ARHGEF4: variants seen among roughly 807,000 people sequenced by gnomAD.
ARHGEF4 encodes Rho guanine nucleotide exchange factor 4, also known as APC-stimulated guanine nucleotide exchange factor 1.
ARHGEF4 carries 119 observed loss-of-function variants against 162.0 expected under a neutral mutation model. The ratio of observed to expected loss-of-function variants is 0.73; its 90% CI spans 0.63 to 0.86. The LOEUF (loss-of-function observed/expected upper bound fraction) is 0.86, where lower values mean the gene tolerates loss of function less well. Ranked by LOEUF, ARHGEF4 falls within the 40% of genes least tolerant of loss-of-function variation. ARHGEF4 has a pLI of 0.00. For missense variants in ARHGEF4, 2,488 were observed against 2,456.0 expected (o/e 1.01, Z -0.28); for synonymous variants, 1,014 against 979.9 (o/e 1.03, Z -0.65).
intron 4 of ARHGEF4, among the ~76,000 whole-genome samples, chr2:130,991,408 G>A (rs576108732): frequency 6.6e-6 from 1 of 152,372 alleles, no homozygotes; most frequent in African/African-American, 2.4e-5. Flanking sequence ...GCTGGCCAAG[G>A]CCGGAGCCCA....
intron 4 of ARHGEF4, among the ~76,000 whole-genome samples, chr2:130,971,655 C>CAAAAAAA (rs35136790): frequency 2.0e-5 from 2 of 101,346 alleles, no homozygotes; most frequent in African/African-American, 4.0e-5. Context: ...GAGACTGTCT[C>CAAAAAAA]AAAAAAAAAA....
chr2:130,913,069 G>A (rs1681288645), intron 1 of ARHGEF4, among the ~76,000 whole-genome samples: 1 of 152,110 alleles, frequency 6.6e-6, no homozygotes, highest in South Asian at 2.1e-4. Context: ...GTACTGGGGG[G>A]GAGTGGTTCA....
intron 4 of ARHGEF4, among the ~76,000 whole-genome samples, chr2:130,985,286 AG>A (rs1250661231): frequency 6.6e-6 from 1 of 152,194 alleles, no homozygotes; most frequent in Non-Finnish European, 1.5e-5. Context: ...GGTCCAAGGC[AG>A]CGGAACCACA....
rs118006608 is a variant in ARHGEF4 at position 130,852,088 on chromosome 2, T to C, written c.39+15096T>C. On this transcript the variant is annotated intron_variant, in intron 1 of 13. Transcript: ENST00000409359. ...AGTGGGGGAGATGAGCCATTCCAAC[T>C]TCACAGCTTTTATTCTTTCAAGAGT... is the stretch of plus-strand genomic sequence containing the variant. 4.0e-3 allele frequency among the ~76,000 whole-genome samples: 607 copies of C among 152,378 alleles called. 4 individuals are homozygous for C. The highest frequency in any genetic ancestry group is 0.029 in the Admixed American group (447 of 15,310).
intron 1 of ARHGEF4, among the ~76,000 whole-genome samples, chr2:130,855,292 CAG>C (rs998096376): frequency 7.9e-5 from 12 of 152,136 alleles, no homozygotes; most frequent in African/African-American, 2.4e-4. Context: ...GTTCATGAGT[CAG>C]GGGTCACCAA....
In ARHGEF4 at chr2:130,972,816, G is replaced by A. The variant is rs190201032; in HGVS notation, c.3985+26181G>A. 1.1e-4 allele frequency among the ~76,000 whole-genome samples: 16 copies of A among 152,202 alleles called. No individual in the cohort carries two copies. In the East Asian group the frequency reaches 1.9e-3, roughly 18 times the overall value. ...CTGACAAGGAAATGTGATTGTTTCC[G>A]CAATATACAAAACAAGATAAAATCA... On this transcript the variant is annotated intron_variant, in intron 4 of 13. Transcript: ENST00000409359.
Position 130,935,822 on chromosome 2 carries a change from TTTGGGAGGCTAAGGCAGG to T in ARHGEF4, c.3858+4567_3858+4584del, listed in dbSNP as rs1341990596. On this transcript the variant is annotated intron_variant, in intron 3 of 13. Coordinates refer to ENST00000409359, the MANE Select transcript of ARHGEF4 (RefSeq NM_001367493.1). ...GTGGCCATGCACGTAATCCCAGCAC[TTTGGGAGGCTAAGGCAGG>T]TAGATCACTTGAGGTCAGGAGTTCG... Among the ~76,000 whole-genome samples the T allele has an allele frequency of 1.3e-5, 2 of 152,324 alleles. 1 individual carries two copies. The highest frequency in any genetic ancestry group is 4.8e-5 in the African/African-American group (2 of 41,574).
At chr2:130,902,576 A>C (rs993123691) in intron 1 of ARHGEF4, among the ~76,000 whole-genome samples, 1 of 151,922 alleles carries the variant, frequency 6.6e-6, no homozygotes, top group Non-Finnish European at 1.5e-5. Flanking sequence ...CCTGAGCGAC[A>C]GAGCGAGACT....
intron 4 of ARHGEF4, among the ~76,000 whole-genome samples, chr2:130,972,881 G>C (rs6725621): frequency 0.96 from 146,707 of 152,346 alleles, 70,862 homozygotes; most frequent in East Asian, 1. Context: ...TAATGATTAA[G>C]CTTACTTTCA....
In ARHGEF4 at chr2:130,916,767, G is replaced by A. The variant is rs867745171; in HGVS notation, c.2821G>A (p.Glu941Lys). ...HERSPSSPKG[E>K]KEKSRLRQGS... ...ACGTTCCCCAAGTTCTCCCAAGGGC[G>A]AGAAGGAGAAGAGCAGGCTGCGCCA... The change falls in exon 2 of 14, where the codon GAG (glutamate) becomes AAG (lysine). Residue 941 changes from glutamate to lysine, a missense_variant. Physicochemically the swap from Glu to Lys is moderately conservative, Grantham distance 56. Transcript: ENST00000409359. 5.2e-6 allele frequency: 8 copies of A among 1,550,630 alleles called. No individual in the cohort carries two copies. The highest frequency in any genetic ancestry group is 1.2e-5 in the South Asian group (1 of 84,056).
At chr2:130,975,061 C>G (rs886256617) in intron 4 of ARHGEF4, among the ~76,000 whole-genome samples, 2 of 152,042 alleles carry the variant, frequency 1.3e-5, no homozygotes, top group Admixed American at 1.3e-4. Flanking sequence ...GTCTGTGACC[C>G]CCAGGGGTTG....
rs910152028 is a variant in ARHGEF4, at chr2:131,027,283, T to C, written c.3986-662T>C. ...GTGAAAAGAGCCAGCCAGAGAAGAG[T>C]GGATTTGCTGGATCCCTTTAGACAA... On this transcript the variant is annotated intron_variant, in intron 4 of 13. Transcript: ENST00000409359. Among the ~76,000 whole-genome samples the C allele has an allele frequency of 3.8e-4, 58 of 151,992 alleles. 1 individual carries two copies. The highest frequency in any genetic ancestry group is 3.7e-3 in the Admixed American group (56 of 15,272).
Position 130,914,633 on chromosome 2 carries a change from C to G in ARHGEF4, c.687C>G (p.Pro229=), listed in dbSNP as rs984184699. 60 of 1,391,220 alleles carry G rather than the reference C, an allele frequency of 4.3e-5. No homozygotes were observed. Among genetic ancestry groups the G allele is most frequent in the Non-Finnish European group, 1.5e-5 (16 of 1,079,446 alleles). 86.2% of individuals were successfully genotyped at this position (1,391,220 alleles called of 1,614,324 possible). The change falls in exon 2 of 14, where the codon CCC becomes CCG. Residue 229 remains proline (P), a synonymous_variant. Coordinates refer to ENST00000409359, the MANE Select transcript of ARHGEF4 (RefSeq NM_001367493.1). ...ATCTGGGCATCCCAGTGGTCTGGCC[C>G]TTCCTTCTCTGGTGCTGTGAACTGG... The part of the protein sequence containing the change: ...ESYLGIPVVW[P]FLLWCCELGR...
At chr2:130,847,137 G>A (rs1414283956) in intron 1 of ARHGEF4, among the ~76,000 whole-genome samples, 1 of 152,190 alleles carries the variant, frequency 6.6e-6, no homozygotes, top group Admixed American at 6.5e-5. Flanking sequence ...TCCCAGCCTT[G>A]CCCCTGCCGG....
chr2:130,841,179 C>T (rs1267088799), intron 1 of ARHGEF4, among the ~76,000 whole-genome samples: 3 of 152,064 alleles, frequency 2.0e-5, no homozygotes, highest in East Asian at 1.9e-4. Context: ...GTTCTCCTAC[C>T]TCAGCCTCCC....
At chr2:130,986,082 T>G (rs1686474187) in intron 4 of ARHGEF4, among the ~76,000 whole-genome samples, 2 of 151,976 alleles carry the variant, frequency 1.3e-5, no homozygotes, top group South Asian at 4.2e-4. Flanking sequence ...ATGACGTGTT[T>G]TGTGTGTGTT....
intron 4 of ARHGEF4, among the ~76,000 whole-genome samples, chr2:130,999,693 TTTTTG>T (rs758712019): frequency 1.5e-4 from 23 of 152,262 alleles, no homozygotes; most frequent in African/African-American, 4.8e-4. Context: ...GCATGGTGCT[TTTTTG>T]TTTTGTTTTG....
At chr2:130,861,275 TTTTA>T (rs1230252190) in intron 1 of ARHGEF4, among the ~76,000 whole-genome samples, 1 of 18,072 alleles carries the variant, frequency 5.5e-5, no homozygotes, top group African/African-American at 3.6e-4. Flanking sequence ...TTTAAATTTA[TTTTA>T]TTTATTTATT....
At chr2:130,988,992 G>A (rs184309486) in intron 4 of ARHGEF4, among the ~76,000 whole-genome samples, 13 of 146,794 alleles carry the variant, frequency 8.9e-5, no homozygotes, top group South Asian at 6.6e-4. Context: ...ATGGAGTTTC[G>A]CTCTTGTTGC....
Sources: allele counts gnomAD v4.1 joint callset (sites outside exome capture counted in the v4.1 genomes callset), GRCh38; gene constraint gnomAD v4.1.1; transcripts MANE v1.5; gene names NCBI Gene and HGNC (gene_info 2026-07-23, HGNC 2026-07-21).